CDK19: variants seen among roughly 807,000 people sequenced by gnomAD.
The protein encoded by CDK19 is cyclin-dependent kinase 19.
In CDK19, 20 loss-of-function variants were observed where a neutral mutation model predicts 68.3. That is an observed-to-expected ratio of 0.29 (90% CI 0.21 to 0.43). CDK19 has a LOEUF of 0.43. CDK19 is among the 20% of genes least tolerant of loss of function. CDK19 has a pLI of 1.00. For missense variants in CDK19, 339 were observed against 623.5 expected (o/e 0.54, Z 4.86); for synonymous variants, 221 against 222.8 (o/e 0.99, Z 0.07).
At chr6:110,794,189 G>C (rs1781777850) in intron 1 of CDK19, among the ~76,000 whole-genome samples, 1 of 151,808 alleles carries the variant, frequency 6.6e-6, no homozygotes, top group Admixed American at 6.6e-5. Context: ...GGGACTAAGG[G>C]CGTCTGCCAC....
intron 1 of CDK19, among the ~76,000 whole-genome samples, chr6:110,755,974 T>A (rs1778810332): frequency 6.6e-6 from 1 of 152,082 alleles, no homozygotes; most frequent in Non-Finnish European, 1.5e-5. Flanking sequence ...TATATATCTA[T>A]TATGGCCAGA....
At position 110,626,993 on chromosome 6, in the gene CDK19, A is replaced by C. The variant is rs750352958; in HGVS notation, c.790+9T>G. 3 of 1,595,736 alleles carry C rather than the reference A, an allele frequency of 1.9e-6. No individual in the cohort carries two copies. The highest frequency in any genetic ancestry group is 1.7e-6 in the Non-Finnish European group (2 of 1,173,024). ...TCAAAATATGACTTTAAAAAGGAAAATAAATTACCTGCAGGAAACCCCATG... is the reference window on the plus strand; with the variant it reads ...TCAAAATATGACTTTAAAAAGGAAACTAAATTACCTGCAGGAAACCCCATG... On this transcript the variant is annotated intron_variant, in intron 7 of 12. Coordinates refer to ENST00000368911, the MANE Select transcript of CDK19 (RefSeq NM_015076.5).
At chr6:110,790,352 T>A (rs1276187819) in intron 1 of CDK19, among the ~76,000 whole-genome samples, 2 of 152,094 alleles carry the variant, frequency 1.3e-5, no homozygotes, top group East Asian at 3.9e-4. Flanking sequence ...CTGGCCAACA[T>A]GGAGAAAACC....
intron 12 of CDK19, among the ~76,000 whole-genome samples, chr6:110,620,287 T>C (rs1156720763): frequency 1.3e-5 from 2 of 152,220 alleles, no homozygotes; most frequent in African/African-American, 2.4e-5. Context: ...AGTGAGTTTA[T>C]GGTTCCCTTG....
intron 1 of CDK19, chr6:110,813,472 A>G (rs923446133): frequency 1.3e-5 from 2 of 152,224 alleles, no homozygotes; most frequent in African/African-American, 2.4e-5. Context: ...AATTCCCACA[A>G]GAACACTAGT....
chr6:110,652,417 A>G (rs971778915), intron 4 of CDK19, among the ~76,000 whole-genome samples: 3 of 152,220 alleles, frequency 2.0e-5, no homozygotes, highest in African/African-American at 4.8e-5. Flanking sequence ...TTTAGAGTAC[A>G]TTTTTGAAAG....
intron 2 of CDK19, among the ~76,000 whole-genome samples, chr6:110,712,861 A>C (rs1775047185): frequency 6.6e-6 from 1 of 152,188 alleles, no homozygotes; most frequent in Non-Finnish European, 1.5e-5. Context: ...TAGATTCAGA[A>C]TAAGATGGCA....
chr6:110,634,896 T>G (rs1779664940), intron 5 of CDK19, among the ~76,000 whole-genome samples: 1 of 152,232 alleles, frequency 6.6e-6, no homozygotes, highest in African/African-American at 2.4e-5. Context: ...CCTCATCTAC[T>G]CACTCGCAGA....
At chr6:110,649,147 C>T (rs1450279662) in intron 4 of CDK19, among the ~76,000 whole-genome samples, 1 of 151,666 alleles carries the variant, frequency 6.6e-6, no homozygotes, top group Non-Finnish European at 1.5e-5. Context: ...CAGTCATTTC[C>T]ATCAAAATCC....
At chr6:110,808,996 G>A (rs894188267) in intron 1 of CDK19, among the ~76,000 whole-genome samples, 1 of 151,038 alleles carries the variant, frequency 6.6e-6, no homozygotes, top group Non-Finnish European at 1.5e-5. Flanking sequence ...CATGAGGTCA[G>A]GAGATTTAGA....
intron 1 of CDK19, among the ~76,000 whole-genome samples, chr6:110,774,116 AT>A (rs1164367720): frequency 1.2e-4 from 18 of 152,260 alleles, no homozygotes; most frequent in African/African-American, 3.9e-4. Context: ...TTAATTATAT[AT>A]AATGCAGCTT....
chr6:110,696,508 C>A (rs1255051305), intron 2 of CDK19, among the ~76,000 whole-genome samples: 3 of 152,138 alleles, frequency 2.0e-5, no homozygotes, highest in African/African-American at 4.8e-5. Flanking sequence ...AGCAATCAGA[C>A]AAGAGAAAGA....
chr6:110,733,015 C>T (rs527780008), intron 2 of CDK19, among the ~76,000 whole-genome samples: 6 of 152,264 alleles, frequency 3.9e-5, no homozygotes, highest in African/African-American at 1.4e-4. Flanking sequence ...TTGCAGTGAG[C>T]TGAGATGGCG....
intron 4 of CDK19, among the ~76,000 whole-genome samples, chr6:110,644,013 G>T (rs71562245): frequency 0.19 from 29,452 of 151,654 alleles, 2,926 homozygotes; most frequent in South Asian, 0.22. Context: ...AAAACAATTG[G>T]CCAGGCGCAG....
At chr6:110,656,340 C>G (rs1166170402) in intron 4 of CDK19, among the ~76,000 whole-genome samples, 1 of 152,158 alleles carries the variant, frequency 6.6e-6, no homozygotes, top group Non-Finnish European at 1.5e-5. Flanking sequence ...CTTCCCCCCA[C>G]AGAAATCCAG....
intron 1 of CDK19, among the ~76,000 whole-genome samples, chr6:110,793,818 T>G (rs781447199): frequency 4.6e-5 from 7 of 152,156 alleles, no homozygotes; most frequent in Non-Finnish European, 1.0e-4. Flanking sequence ...ATAACAATCA[T>G]TTGGGACCAC....
intron 1 of CDK19, among the ~76,000 whole-genome samples, chr6:110,765,990 C>T (rs564795504): frequency 1.4e-4 from 21 of 152,188 alleles, no homozygotes; most frequent in African/African-American, 3.4e-4. Flanking sequence ...CTCTTATATA[C>T]TGTTGGTGAG....
chr6:110,732,496 A>G (rs1415177987), intron 2 of CDK19, among the ~76,000 whole-genome samples: 8 of 152,114 alleles, frequency 5.3e-5, no homozygotes, highest in Admixed American at 5.2e-4. Context: ...AGATTACACC[A>G]CTACACTCCA....
intron 2 of CDK19, among the ~76,000 whole-genome samples, chr6:110,734,754 TAC>T (rs148916831): frequency 6.6e-6 from 1 of 152,238 alleles, no homozygotes; most frequent in African/African-American, 2.4e-5. Context: ...GTCTTGATTA[TAC>T]AGTGTTGAAA....
Sources: gnomAD v4.1 joint callset for allele counts (sites outside exome capture counted in the v4.1 genomes callset) on GRCh38, gnomAD v4.1.1 for gene constraint, MANE v1.5 for transcripts, NCBI Gene and HGNC (gene_info 2026-07-23, HGNC 2026-07-21) for gene names.